OTC: variants seen among roughly 807,000 people sequenced by gnomAD.
OTC encodes ornithine transcarbamylase.
Under a neutral mutation model 30.3 loss-of-function variants are expected in OTC, and 3 were observed. That is an observed-to-expected ratio of 0.10 (90% confidence interval 0.05 to 0.26). The LOEUF is 0.26. Among genes scored for constraint, OTC ranks in the 10% least tolerant of loss-of-function variants. The pLI is 1.00. For missense variants in OTC, 194 were observed against 260.3 expected, an observed-to-expected ratio of 0.75 and a Z score of 1.75; for synonymous variants, 111 against 99.7, an observed-to-expected ratio of 1.11 and a Z score of -0.67.
chrX:38,387,924 T>C (rs890627919), intron 4 of OTC, among the ~76,000 whole-genome samples: 1 of 111,281 alleles, frequency 9.0e-6, no homozygotes, highest in African/African-American at 3.3e-5. Context: ...TAAAACATAG[T>C]GCATATCCAA....
chrX:38,344,557 T>G, the OTC span, among the ~76,000 whole-genome samples: 1 of 110,891 alleles, frequency 9.0e-6, no homozygotes, highest in Non-Finnish European at 1.9e-5. Flanking sequence ...AAACTCAATC[T>G]CAACCTCAAG....
intron 4 of OTC, among the ~76,000 whole-genome samples, chrX:38,390,813 T>A (rs58863566): frequency 0.18 from 19,881 of 111,562 alleles, 1,563 homozygotes; most frequent in Middle Eastern, 0.27. Context: ...CCCAGCACAC[T>A]ACTTGTTTTT....
the OTC span, among the ~76,000 whole-genome samples, chrX:38,332,504 T>TTATATATATA: frequency 0.01 from 404 of 39,327 alleles, 18 homozygotes; most frequent in East Asian, 0.015. Flanking sequence ...GCCCTAGATT[T>TTATATATATA]TATATATATA....
chrX:38,333,699 A>G, the OTC span, among the ~76,000 whole-genome samples: 1 of 112,062 alleles, frequency 8.9e-6, no homozygotes, highest in African/African-American at 3.2e-5. Flanking sequence ...TATGCTTCCT[A>G]GCTGTATTTG....
the OTC span, among the ~76,000 whole-genome samples, chrX:38,340,473 G>GTTTTTTTTTTTTTTTTTTT: frequency 5.3e-5 from 3 of 56,127 alleles, no homozygotes; most frequent in Admixed American, 2.3e-4. Flanking sequence ...TTTTTTTTTT[G>GTTTTTTTTTTTTTTTTTTT]TTTTTTTTTT....
At chrX:38,399,719 C>T (rs936730450) in intron 4 of OTC, among the ~76,000 whole-genome samples, 2 of 111,053 alleles carry the variant, frequency 1.8e-5, no homozygotes, top group Admixed American at 9.6e-5. Context: ...TGCCCTCCAG[C>T]CAGGGAGACA....
chrX:38,422,740 C>T (rs1197884620), downstream of OTC, among the ~76,000 whole-genome samples: 1 of 112,064 alleles, frequency 8.9e-6, no homozygotes, highest in Non-Finnish European at 1.9e-5. Flanking sequence ...CTTAATCAGA[C>T]ATTATTTATA....
chrX:38,413,684 T>G (rs1198851735), intron 9 of OTC, among the ~76,000 whole-genome samples: 3 of 109,066 alleles, frequency 2.8e-5, no homozygotes, highest in Non-Finnish European at 5.7e-5. Flanking sequence ...TTTTGTTTTT[T>G]TTTGAGATAG....
chrX:38,412,151 T>A lies in OTC; in HGVS notation c.1005+152T>A, dbSNP rs892839902. 9.6e-6 allele frequency: 5 copies of A among 522,748 alleles called. No homozygotes were observed. The African/African-American group carries it at 1.2e-4, about 12-fold the overall frequency. 43.1% of individuals were successfully genotyped at this position (522,748 alleles called of 1,213,427 possible). A position where few individuals can be genotyped will look rare whatever the true frequency, so the allele number is the denominator to read the frequency against. On this transcript the variant is annotated intron_variant, in intron 9 of 9. Transcript: ENST00000039007. ...TTTTTTCCAGAAACTTTATAATACATCATTAGTGCTTATTAGCATTTATAG... is the reference window on the plus strand; with the variant it reads ...TTTTTTCCAGAAACTTTATAATACAACATTAGTGCTTATTAGCATTTATAG...
At position 38,400,916 on chromosome X, in the gene OTC, G is replaced by C. The variant is rs1027086263; in HGVS notation, c.387-359G>C. Among the ~76,000 whole-genome samples the C allele has an allele frequency of 2.7e-5, 3 of 112,535 alleles. No individual in the cohort carries two copies. The East Asian group carries it at 8.3e-4, about 31-fold the overall frequency. Reference sequence around the variant, plus strand: ...CTTTTTTCTGTTGGATGATGTGAAAGAAAATTAGCCATATGGCAGGTCATT... The same window carrying C: ...CTTTTTTCTGTTGGATGATGTGAAACAAAATTAGCCATATGGCAGGTCATT... On this transcript the variant is annotated intron_variant, in intron 4 of 9. Transcript: ENST00000039007.
chrX:38,349,780 G>A (rs1369699504), upstream of OTC, among the ~76,000 whole-genome samples: 1 of 112,403 alleles, frequency 8.9e-6, no homozygotes, highest in African/African-American at 3.2e-5. Context: ...TTTGCATTAA[G>A]AAGTGGCAGG....
chrX:38,365,560 AG>A (rs2068291387), intron 1 of OTC, among the ~76,000 whole-genome samples: 1 of 112,185 alleles, frequency 8.9e-6, no homozygotes, highest in African/African-American at 3.2e-5. Flanking sequence ...AAACCAAGAG[AG>A]GGGTTGGAAA....
chrX:38,344,275 ACACG>A, the OTC span, among the ~76,000 whole-genome samples: 1 of 110,405 alleles, frequency 9.1e-6, no homozygotes, highest in Admixed American at 9.7e-5. Context: ...ACACACACAC[ACACG>A]TGGAGAGAAA....
intron 4 of OTC, among the ~76,000 whole-genome samples, chrX:38,382,252 T>C (rs192275949): frequency 1.8e-5 from 2 of 112,215 alleles, no homozygotes; most frequent in Admixed American, 9.4e-5. Context: ...TTCCCCACTA[T>C]ATTATAATGA....
chrX:38,379,754 C>T (rs907794191), intron 3 of OTC, among the ~76,000 whole-genome samples: 24 of 110,318 alleles, frequency 2.2e-4, no homozygotes, highest in Non-Finnish European at 3.4e-4. Flanking sequence ...CTCAGCCTCC[C>T]GAGTAGCTGG....
intron 1 of OTC, among the ~76,000 whole-genome samples, chrX:38,359,275 A>G (rs2068258000): frequency 9.0e-6 from 1 of 111,590 alleles, no homozygotes. Flanking sequence ...AGTAGTGCAA[A>G]TACTATACCA....
At chrX:38,346,292 G>C in the OTC span, among the ~76,000 whole-genome samples, 2 of 111,790 alleles carry the variant, frequency 1.8e-5, no homozygotes, top group African/African-American at 6.5e-5. Flanking sequence ...AAAAATATTT[G>C]CAATACCAAA....
At chrX:38,368,942 A>C (rs1480348253) in intron 2 of OTC, among the ~76,000 whole-genome samples, 1 of 108,433 alleles carries the variant, frequency 9.2e-6, no homozygotes, top group Non-Finnish European at 1.9e-5. Flanking sequence ...GGAAGGAGGA[A>C]GCGCCCCACC....
the OTC span, among the ~76,000 whole-genome samples, chrX:38,331,984 G>A: frequency 9.0e-6 from 1 of 111,006 alleles, no homozygotes; most frequent in Admixed American, 9.6e-5. Flanking sequence ...CAGGGCTGCA[G>A]AGCAAGTGAA....
Sources: allele counts gnomAD v4.1 joint callset (sites outside exome capture counted in the v4.1 genomes callset), GRCh38; gene constraint gnomAD v4.1.1; transcripts MANE v1.5; gene names NCBI Gene and HGNC (gene_info 2026-07-23, HGNC 2026-07-21).